Variants in PLEKHA1 observed in about 807,000 individuals in gnomAD.
PLEKHA1 encodes the protein pleckstrin homology domain-containing family A member 1.
PLEKHA1 carries 34 observed loss-of-function variants against 52.0 expected under a neutral mutation model. The ratio of observed to expected loss-of-function variants is 0.65; its 90% CI spans 0.50 to 0.87. The LOEUF is 0.87. Among genes scored for constraint, PLEKHA1 ranks in the 40% least tolerant of loss-of-function variants. PLEKHA1 has a pLI of 0.00. For missense variants in PLEKHA1, 497 were observed against 504.2 expected, an observed-to-expected ratio of 0.99 and a Z score of 0.14; for synonymous variants, 163 against 170.7, an observed-to-expected ratio of 0.95 and a Z score of 0.35.
intron 4 of PLEKHA1, among the ~76,000 whole-genome samples, chr10:122,401,384 GT>G (rs1359431780): frequency 6.6e-6 from 1 of 152,162 alleles, no homozygotes; most frequent in Non-Finnish European, 1.5e-5. Flanking sequence ...CTGGGTAAGT[GT>G]CTTTTGAACT....
intron 7 of PLEKHA1, among the ~76,000 whole-genome samples, chr10:122,416,497 C>T (rs1031076174): frequency 2.0e-5 from 3 of 152,116 alleles, no homozygotes; most frequent in African/African-American, 7.2e-5. Flanking sequence ...TAAAACCTAC[C>T]ATCTAGGGTT....
chr10:122,411,777 C>T (rs2097109787), intron 5 of PLEKHA1: 1 of 151,610 alleles, frequency 6.6e-6, no homozygotes, highest in South Asian at 2.1e-4. Flanking sequence ...TGAGTGGTGT[C>T]CTGTAGTTCT....
chr10:122,406,746 C>T, intron 5 of PLEKHA1, 73 bp downstream of exon 5: 1 of 1,097,876 alleles, frequency 9.1e-7, no homozygotes, highest in Non-Finnish European at 1.4e-6. Flanking sequence ...ATACACCTAC[C>T]AAATGTTCCC....
At chr10:122,435,489 A>C (rs1184907509), downstream of PLEKHA1, 3 of 152,210 alleles carry the variant, frequency 2.0e-5, no homozygotes, top group Non-Finnish European at 4.4e-5. Flanking sequence ...TATTGCCTCC[A>C]TCGTAGAAAA....
chr10:122,441,304 T>A, the PLEKHA1 span: 2 of 152,114 alleles, frequency 1.3e-5, no homozygotes, highest in Non-Finnish European at 2.9e-5. Context: ...ACATCGTCTC[T>A]ACTAAAATTC....
chr10:122,409,542 G>A (rs1451712080), intron 5 of PLEKHA1, among the ~76,000 whole-genome samples: 1 of 152,144 alleles, frequency 6.6e-6, no homozygotes, highest in Admixed American at 6.5e-5. Context: ...TTCCTGAACA[G>A]AGATCCATTA....
rs999517685 is a variant in PLEKHA1, at chr10:122,374,753, G to T, written c.-74G>T. The T allele has an allele frequency of 6.6e-6, 1 of 151,890 alleles. No individual in the cohort carries two copies. Among genetic ancestry groups the T allele is most frequent in the Non-Finnish European group, 1.5e-5 (1 of 67,982 alleles). 9.4% of individuals were successfully genotyped at this position (151,890 alleles called of 1,614,324 possible). On this transcript the variant is annotated 5_prime_UTR_variant, in exon 1 of 12. Coordinates refer to ENST00000368990, the MANE Select transcript of PLEKHA1 (RefSeq NM_001001974.4). Reference sequence around the variant, plus strand: ...CGCGGACGCCGCTCCGGGCAGCCGAGCCTCTGTGGGAGCCGGGGCCGCGGC... The same window carrying T: ...CGCGGACGCCGCTCCGGGCAGCCGATCCTCTGTGGGAGCCGGGGCCGCGGC...
At chr10:122,424,025 T>C (rs1366301866) in intron 8 of PLEKHA1, 174 bp from the exon 9 acceptor site, 3 of 790,784 alleles carry the variant, frequency 3.8e-6, no homozygotes, top group Non-Finnish European at 5.8e-6. Flanking sequence ...AAGGTTATAG[T>C]GTTTGAGCTA....
downstream of PLEKHA1, chr10:122,433,132 T>C (rs1048661229): frequency 2.6e-5 from 4 of 152,256 alleles, no homozygotes; most frequent in Admixed American, 2.0e-4. Context: ...CGGGAATGAC[T>C]TTGAACCAGT....
chr10:122,424,169 C>CTTTT, intron 8 of PLEKHA1, 30 bp from the exon 9 acceptor site: 11 of 728,478 alleles, frequency 1.5e-5, no homozygotes, highest in Admixed American at 8.6e-5. Flanking sequence ...CATCATGTAA[C>CTTTT]TGTTTTTTTT....
intron 5 of PLEKHA1, chr10:122,412,057 AAAT>A: frequency 6.6e-6 from 1 of 152,342 alleles, no homozygotes; most frequent in East Asian, 1.9e-4. Context: ...CTACAGATAG[AAAT>A]AATGATTAAC....
intron 1 of PLEKHA1, among the ~76,000 whole-genome samples, chr10:122,385,550 AG>A (rs1357933728): frequency 6.6e-6 from 1 of 152,144 alleles, no homozygotes. Flanking sequence ...TCCCAACCTC[AG>A]GTGATCTGCC....
At chr10:122,399,921 A>G (rs1368275717) in intron 3 of PLEKHA1, among the ~76,000 whole-genome samples, 10 of 152,082 alleles carry the variant, frequency 6.6e-5, no homozygotes, top group Non-Finnish European at 1.5e-4. Flanking sequence ...TCTCCTCTTT[A>G]CCCAGCCCCA....
intron 5 of PLEKHA1, 59 bp downstream of exon 5, chr10:122,406,732 GAAAAT>G: frequency 8.0e-7 from 1 of 1,249,684 alleles, no homozygotes; most frequent in South Asian, 1.2e-5. Context: ...TTTTCATTTT[GAAAAT>G]ACACCTACCA....
At chr10:122,411,563 T>A (rs7084703) in intron 5 of PLEKHA1, among the ~76,000 whole-genome samples, 14,156 of 152,234 alleles carry the variant, frequency 0.093, 779 homozygotes, top group Middle Eastern at 0.17. Flanking sequence ...AACTCCTGCC[T>A]CAAAAATGTC....
intron 10 of PLEKHA1, 128 bp downstream of exon 10, chr10:122,425,087 TTAA>T: frequency 1.3e-6 from 1 of 748,696 alleles, no homozygotes; most frequent in Non-Finnish European, 2.1e-6. Flanking sequence ...ATTCACCAGC[TTAA>T]TAAAAGGGTA....
chr10:122,384,336 C>T (rs145958099), intron 1 of PLEKHA1, among the ~76,000 whole-genome samples: 3 of 152,238 alleles, frequency 2.0e-5, no homozygotes, highest in Non-Finnish European at 4.4e-5. Context: ...TGGCTGGGCG[C>T]GGTGGCTCAC....
chr10:122,401,453 T>C (rs1242390749), intron 4 of PLEKHA1, among the ~76,000 whole-genome samples: 1 of 150,500 alleles, frequency 6.6e-6, no homozygotes, highest in Non-Finnish European at 1.5e-5. Flanking sequence ...GGAGGAAGGG[T>C]GAAAAGAAGG....
chr10:122,412,837 T>C, intron 5 of PLEKHA1, 83 bp from the exon 6 acceptor site: 2 of 1,476,024 alleles, frequency 1.4e-6, no homozygotes, highest in Non-Finnish European at 1.9e-6. Context: ...TGCAAACGGA[T>C]GAATAATTAG....
Sources: gnomAD v4.1 joint callset for allele counts (sites outside exome capture counted in the v4.1 genomes callset) on GRCh38, gnomAD v4.1.1 for gene constraint, MANE v1.5 for transcripts, NCBI Gene and HGNC (gene_info 2026-07-23, HGNC 2026-07-21) for gene names.